The following KIRREL3 variants were observed in gnomAD, a reference collection of about 807,000 sequenced individuals.
The protein encoded by KIRREL3 is kirre like nephrin family adhesion molecule 3.
In KIRREL3, 36 loss-of-function variants were observed where a neutral mutation model predicts 89.7. The ratio of observed to expected loss-of-function variants is 0.40; its 90% CI spans 0.31 to 0.53. The LOEUF is 0.53. Among genes scored for constraint, KIRREL3 ranks in the 20% least tolerant of loss-of-function variants. The pLI, the probability that KIRREL3 is intolerant of heterozygous loss-of-function variation, is 0.49. For synonymous variants in KIRREL3, 445 were observed against 441.4 expected (o/e 1.01, Z -0.10); for missense variants, 864 against 1,056.6 (o/e 0.82, Z 2.53).
intron 1 of KIRREL3, among the ~76,000 whole-genome samples, chr11:126,887,015 G>C (rs189172945): frequency 6.6e-6 from 1 of 152,254 alleles, no homozygotes; most frequent in South Asian, 2.1e-4. Context: ...AGGTGAACAC[G>C]TGAGTTAGTG....
At chr11:126,856,916 G>A (rs2134593614) in intron 1 of KIRREL3, among the ~76,000 whole-genome samples, 1 of 152,190 alleles carries the variant, frequency 6.6e-6, no homozygotes, top group South Asian at 2.1e-4. Context: ...TTTATGAAAT[G>A]GTGAGCATGC....
At chr11:126,836,629 C>T (rs1212388870) in intron 1 of KIRREL3, among the ~76,000 whole-genome samples, 1 of 152,186 alleles carries the variant, frequency 6.6e-6, no homozygotes, top group Non-Finnish European at 1.5e-5. Context: ...TTCTGTTGTG[C>T]ATATGACTTG....
At chr11:126,862,176 T>C (rs1262984258) in intron 1 of KIRREL3, among the ~76,000 whole-genome samples, 1 of 152,166 alleles carries the variant, frequency 6.6e-6, no homozygotes, top group Non-Finnish European at 1.5e-5. Context: ...ATACTACACA[T>C]GTTGTTTTGC....
In KIRREL3 at chr11:126,473,472, G is replaced by A; in HGVS notation, c.434-6C>T. 1 of 1,545,192 alleles carries A rather than the reference G, an allele frequency of 6.5e-7. No homozygotes were observed. Among genetic ancestry groups the A allele is most frequent in the Non-Finnish European group, 8.8e-7 (1 of 1,132,452 alleles). On this transcript the variant is annotated splice_polypyrimidine_tract_variant and splice_region_variant and intron_variant, in intron 4 of 16. Coordinates refer to ENST00000525144, the MANE Select transcript of KIRREL3 (RefSeq NM_032531.4). Reference sequence around the variant, plus strand: ...GACGGGGTCATCAGGCGGCACTGCGGGGAGAGAAGCAGTGAGGTCAGGCCG... The same window carrying A: ...GACGGGGTCATCAGGCGGCACTGCGAGGAGAGAAGCAGTGAGGTCAGGCCG...
Position 126,490,921 on chromosome 11 carries a change from G to T in KIRREL3, c.434-17455C>A, listed in dbSNP as rs1212201374. Among the ~76,000 whole-genome samples the T allele has an allele frequency of 6.6e-6, 1 of 152,162 alleles. No homozygotes were observed. The highest frequency in any genetic ancestry group is 1.9e-4 in the East Asian group (1 of 5,196). On this transcript the variant is annotated intron_variant, in intron 4 of 16. Transcript: ENST00000525144. The surrounding 1 kb of genome is among the most constrained non-coding windows in gnomAD (Gnocchi z 4.2). ...CTCATTTGCTCTTAAGGGTGCAGGG[G>T]GTCCACAAATGCCTGAGGATCCACA...
chr11:126,983,159 A>C lies in KIRREL3; in HGVS notation c.55+17296T>G, dbSNP rs979144168. ...GGGAAGGTCATTTTTTCTAACTTAT[A>C]AGTAGTGAGGCTACTTGTAGGTACA... On this transcript the variant is annotated intron_variant, in intron 1 of 16. Coordinates refer to ENST00000525144, the MANE Select transcript of KIRREL3 (RefSeq NM_032531.4). This position sits in a 1 kb window ranked among gnomAD's most constrained non-coding sequence, Gnocchi z 4.9. Among the ~76,000 whole-genome samples, 2 of 152,058 alleles carry C rather than the reference A, an allele frequency of 1.3e-5. No individual in the cohort carries two copies. The highest frequency in any genetic ancestry group is 4.8e-5 in the African/African-American group (2 of 41,404).
At chr11:126,798,897 C>T (rs1206717259) in intron 1 of KIRREL3, among the ~76,000 whole-genome samples, 1 of 152,232 alleles carries the variant, frequency 6.6e-6, no homozygotes, top group East Asian at 1.9e-4. Context: ...GTCTCAGTTT[C>T]TGCATCTGCA....
Position 126,769,572 on chromosome 11 carries a change from A to G in KIRREL3, c.56-206660T>C, listed in dbSNP as rs1322572706. Among the ~76,000 whole-genome samples, 1 of 152,224 alleles carries G rather than the reference A, an allele frequency of 6.6e-6. No individual in the cohort carries two copies. Among genetic ancestry groups the G allele is most frequent in the Non-Finnish European group, 1.5e-5 (1 of 68,042 alleles). On this transcript the variant is annotated intron_variant, in intron 1 of 16. Transcript: ENST00000525144. The surrounding 1 kb of genome is among the most constrained non-coding windows in gnomAD (Gnocchi z 4.3). ...TTTGCATATTTTCATTTACCACTGA[A>G]TGCATGGACAGAGTTCTCAATCCTG...
At chr11:126,888,163 G>A (rs1311158710) in intron 1 of KIRREL3, among the ~76,000 whole-genome samples, 1 of 152,240 alleles carries the variant, frequency 6.6e-6, no homozygotes, top group Non-Finnish European at 1.5e-5. Flanking sequence ...TGAGGCAGGT[G>A]TGTGATCAAG....
chr11:126,783,184 C>T lies in KIRREL3; in HGVS notation c.55+217271G>A, dbSNP rs1467343951. On this transcript the variant is annotated intron_variant, in intron 1 of 16. Coordinates refer to ENST00000525144, the MANE Select transcript of KIRREL3 (RefSeq NM_032531.4). This position sits in a 1 kb window ranked among gnomAD's most constrained non-coding sequence, Gnocchi z 4.3. ...CTGAAACCTGGAGGAGAGAATCCTT[C>T]CTTGCATTGTCCTGTTTTCTGGTGA... is the stretch of plus-strand genomic sequence containing the variant. 6.6e-6 allele frequency among the ~76,000 whole-genome samples: 1 copy of T among 152,164 alleles called. No individual in the cohort carries two copies. Among genetic ancestry groups the T allele is most frequent in the African/African-American group, 2.4e-5 (1 of 41,434 alleles).
chr11:126,928,120 C>T (rs958244779), intron 1 of KIRREL3, among the ~76,000 whole-genome samples: 3 of 152,158 alleles, frequency 2.0e-5, no homozygotes, highest in Non-Finnish European at 2.9e-5. Flanking sequence ...TAAGTGCTAC[C>T]GTCAATGTAT....
Position 126,772,283 on chromosome 11 carries a change from T to G in KIRREL3, c.56-209371A>C, listed in dbSNP as rs528427733. Among the ~76,000 whole-genome samples the G allele has an allele frequency of 7.2e-5, 11 of 152,318 alleles. No homozygotes were observed. Among genetic ancestry groups the G allele is most frequent in the Admixed American group, 2.6e-4 (4 of 15,302 alleles). On this transcript the variant is annotated intron_variant, in intron 1 of 16. Coordinates refer to ENST00000525144, the MANE Select transcript of KIRREL3 (RefSeq NM_032531.4). This position sits in a 1 kb window ranked among gnomAD's most constrained non-coding sequence, Gnocchi z 4.6. ...ATTGAGGAAGAATGTCAATATTTTT[T>G]GGGTCAATGTTTGTAAGACCAGACT... is the stretch of plus-strand genomic sequence containing the variant.
chr11:126,589,975 C>G lies in KIRREL3; in HGVS notation c.56-27063G>C, dbSNP rs1413641673. 3.3e-5 allele frequency among the ~76,000 whole-genome samples: 5 copies of G among 152,160 alleles called. No homozygotes were observed. The East Asian group carries it at 9.6e-4, about 29-fold the overall frequency. ...TAGGAGCAGGGGCTCCCTCTGAATA[C>G]CAGCCAGGGCCACTGCAGCAGAACA... On this transcript the variant is annotated intron_variant, in intron 1 of 16. Transcript: ENST00000525144.
chr11:126,573,456 G>A (rs919876082), intron 1 of KIRREL3, among the ~76,000 whole-genome samples: 12 of 152,050 alleles, frequency 7.9e-5, no homozygotes, highest in East Asian at 3.9e-4. Context: ...GCAGCTACCC[G>A]CTTCCCCCAC....
At position 126,558,042 on chromosome 11, in the gene KIRREL3, T is replaced by G. The variant is rs1939832161; in HGVS notation, c.133+4793A>C. 6.6e-6 allele frequency among the ~76,000 whole-genome samples: 1 copy of G among 152,178 alleles called. No individual in the cohort carries two copies. Among genetic ancestry groups the G allele is most frequent in the Non-Finnish European group, 1.5e-5 (1 of 68,030 alleles). The stretch of plus-strand genomic sequence containing the variant: ...CTCCCTTGGTCTCTTGAAGCAGACA[T>G]CATTGCAATGCTGAAAGTCCACGGA... On this transcript the variant is annotated intron_variant, in intron 2 of 16. Coordinates refer to ENST00000525144, the MANE Select transcript of KIRREL3 (RefSeq NM_032531.4). This position sits in a 1 kb window ranked among gnomAD's most constrained non-coding sequence, Gnocchi z 4.0.
intron 6 of KIRREL3, among the ~76,000 whole-genome samples, chr11:126,457,849 A>T (rs572236428): frequency 3.2e-4 from 49 of 152,238 alleles, no homozygotes; most frequent in Non-Finnish European, 5.6e-4. Flanking sequence ...GGAGGAGCAG[A>T]CGCTGCAAGA....
At chr11:126,758,570 C>T (rs1238386500) in intron 1 of KIRREL3, among the ~76,000 whole-genome samples, 1 of 152,218 alleles carries the variant, frequency 6.6e-6, no homozygotes, top group African/African-American at 2.4e-5. Context: ...TCCCTCCCCT[C>T]TCCCCACCAA....
At chr11:126,913,620 G>A (rs560368313) in intron 1 of KIRREL3, among the ~76,000 whole-genome samples, 1 of 152,338 alleles carries the variant, frequency 6.6e-6, no homozygotes, top group South Asian at 2.1e-4. Flanking sequence ...CCTTCATCAA[G>A]CGGTACCTAA....
At chr11:126,982,780 G>A (rs1218164375) in intron 1 of KIRREL3, among the ~76,000 whole-genome samples, 1 of 152,162 alleles carries the variant, frequency 6.6e-6, no homozygotes, top group South Asian at 2.1e-4. Context: ...ATGGACAAAC[G>A]CAGGGTCCAT....
Sources: allele counts gnomAD v4.1 joint callset (sites outside exome capture counted in the v4.1 genomes callset), GRCh38; gene constraint gnomAD v4.1.1; non-coding constraint Gnocchi (gnomAD v3.1); transcripts MANE v1.5; gene names NCBI Gene and HGNC (gene_info 2026-07-23, HGNC 2026-07-21).